The following SYTL2 variants were observed in gnomAD, a reference collection of about 807,000 sequenced individuals.
SYTL2 encodes the protein synaptotagmin like 2, also known as synaptotagmin-like protein 2.
A neutral mutation model predicts 198.7 loss-of-function variants in SYTL2; 165 were observed. The observed-to-expected ratio is 0.83, with a 90% CI of 0.73 to 0.94. The LOEUF is 0.94. Ranked by LOEUF, SYTL2 falls within the 40% of genes least tolerant of loss-of-function variation. The pLI, the probability that SYTL2 is intolerant of heterozygous loss-of-function variation, is 0.00. For synonymous variants in SYTL2, 966 were observed against 917.7 expected (o/e 1.05, Z -0.95); for missense variants, 2,835 against 2,582.8 (o/e 1.10, Z -2.12).
intron 1 of SYTL2, among the ~76,000 whole-genome samples, chr11:85,804,369 G>A (rs1006951331): frequency 1.3e-5 from 2 of 152,154 alleles, no homozygotes; most frequent in African/African-American, 2.4e-5. Context: ...TACAGATAGC[G>A]TACAATTATA....
the SYTL2 span, among the ~76,000 whole-genome samples, chr11:85,843,912 T>G: frequency 6.6e-6 from 1 of 152,222 alleles, no homozygotes; most frequent in Non-Finnish European, 1.5e-5. Context: ...AACCCTGAAC[T>G]GACCCCAAGT....
intron 15 of SYTL2, among the ~76,000 whole-genome samples, chr11:85,706,023 AATG>A (rs1276654626): frequency 6.6e-6 from 1 of 152,228 alleles, no homozygotes; most frequent in Non-Finnish European, 1.5e-5. Context: ...TTTAGTTTTA[AATG>A]ATCTGTTAGT....
At chr11:85,785,776 T>C (rs1305880177) in intron 1 of SYTL2, among the ~76,000 whole-genome samples, 1 of 152,224 alleles carries the variant, frequency 6.6e-6, no homozygotes, top group Non-Finnish European at 1.5e-5. Context: ...AGATTTTCAC[T>C]CATCTATTTC....
chr11:85,805,380 CAAATGCTAGTCTA>C (rs1300924374), intron 1 of SYTL2, among the ~76,000 whole-genome samples: 2 of 151,736 alleles, frequency 1.3e-5, no homozygotes, highest in South Asian at 4.2e-4. Flanking sequence ...TTATAAAACT[CAAATGCTAGTCTA>C]AAACCAACAG....
rs2089278813 is a variant in SYTL2 at position 85,726,998 on chromosome 11, T to C, written c.2360A>G (p.Glu787Gly). 2.0e-6 allele frequency: 3 copies of C among 1,536,472 alleles called. No individual in the cohort carries two copies. Among genetic ancestry groups the C allele is most frequent in the Non-Finnish European group, 2.6e-6 (3 of 1,147,000 alleles). ...TCTGTCACTCACTCTTTTGTATTTC[T>C]CTCTCTGCACTTGGTTCTTGGGAAC... Reference protein sequence around the residue: ...GEVPKNQVQREKYKRVSDRIS... With the variant: ...GEVPKNQVQRGKYKRVSDRIS... Residue 787 changes from glutamate to glycine, a missense_variant, in exon 8 of 20, where the codon GAG (glutamate) becomes GGG (glycine). By Grantham distance (98) the Glu-to-Gly change is moderately conservative. Around this residue, in one of 3 missense-constraint regions of SYTL2, gnomAD observed 2,645 missense variants for 2,381.7 expected, o/e 1.11. Coordinates refer to ENST00000359152, the MANE Select transcript of SYTL2 (RefSeq NM_206927.4).
In SYTL2 at chr11:85,725,023, T is replaced by C. The variant is rs768428913; in HGVS notation, c.4335A>G (p.Glu1445=). 1.2e-5 allele frequency: 20 copies of C among 1,614,192 alleles called. No homozygotes were observed. The highest frequency in any genetic ancestry group is 1.7e-5 in the Non-Finnish European group (20 of 1,180,004). The change falls in exon 8 of 20, where the codon GAA becomes GAG. Residue 1445 remains glutamate (E), a synonymous_variant. Coordinates refer to ENST00000359152, the MANE Select transcript of SYTL2 (RefSeq NM_206927.4). ...SSNVVPDKTH[E]VGSYLAAQMS... is the part of the protein sequence containing the mutation. ...TTTGGGCAGCTAAATAAGATCCAAC[T>C]TCATGAGTTTTATCAGGAACTACAT...
intron 3 of SYTL2, among the ~76,000 whole-genome samples, chr11:85,747,161 A>C (rs1854023566): frequency 6.6e-6 from 1 of 152,206 alleles, no homozygotes; most frequent in African/African-American, 2.4e-5. Context: ...CAAGCCCTCA[A>C]AAGATTGCCT....
At chr11:85,794,471 G>A (rs1592055907) in intron 1 of SYTL2, among the ~76,000 whole-genome samples, 1 of 152,034 alleles carries the variant, frequency 6.6e-6, no homozygotes, top group African/African-American at 2.4e-5. Flanking sequence ...GAGCCACCAC[G>A]CCCAGCCAGT....
Position 85,725,800 on chromosome 11 carries a change from T to A in SYTL2, c.3558A>T (p.Gly1186=). 1 of 1,614,138 alleles carries A rather than the reference T, an allele frequency of 6.2e-7. No individual in the cohort carries two copies. The highest frequency in any genetic ancestry group is 8.5e-7 in the Non-Finnish European group (1 of 1,179,986). Residue 1186 remains glycine (G), a synonymous_variant, in exon 8 of 20, where the codon GGA becomes GGT. Transcript: ENST00000359152. ...DFADTEEEVK[G]PEKIINEHVD... is the part of the protein sequence containing the mutation. The stretch of plus-strand genomic sequence containing the variant: ...CATGCTCATTAATGATCTTCTCAGG[T>A]CCTTTGACTTCTTCCTCAGTATCAG...
rs1020601082 is a variant in SYTL2, at chr11:85,730,607, G to A, written c.1391-2640C>T. On this transcript the variant is annotated intron_variant, in intron 7 of 19. Transcript: ENST00000359152. ...TGGAACGTATCTCAAAATAATAAAA[G>A]CTATTTATAACAAACCCACAGCCAA... 5.9e-5 allele frequency among the ~76,000 whole-genome samples: 9 copies of A among 152,016 alleles called. 1 individual carries two copies. Among genetic ancestry groups the A allele is most frequent in the Non-Finnish European group, 1.0e-4 (7 of 68,004 alleles).
chr11:85,832,995 CAAAA>C, the SYTL2 span, among the ~76,000 whole-genome samples: 81 of 62,272 alleles, frequency 1.3e-3, 4 homozygotes, highest in African/African-American at 2.8e-3. Flanking sequence ...GACCCTGTCT[CAAAA>C]AAAAAAGAAA....
chr11:85,762,152 C>A (rs1307325488), intron 1 of SYTL2, among the ~76,000 whole-genome samples: 1 of 152,180 alleles, frequency 6.6e-6, no homozygotes, highest in Non-Finnish European at 1.5e-5. Flanking sequence ...AAACCCCTGT[C>A]TCTGTGGACC....
chr11:85,719,088 G>A, intron 9 of SYTL2: 3 of 1,494,654 alleles, frequency 2.0e-6, no homozygotes, highest in Non-Finnish European at 2.7e-6. Context: ...ACTCCCAAGG[G>A]TTAGAGGGTT....
At chr11:85,737,508 T>C (rs369933898) in intron 5 of SYTL2, 67 bp downstream of exon 5, 21 of 1,279,718 alleles carry the variant, frequency 1.6e-5, no homozygotes, top group East Asian at 7.0e-5. Flanking sequence ...TTGTGGTGCT[T>C]TGACACAATG....
In SYTL2 at chr11:85,727,712, T is replaced by A; in HGVS notation, c.1646A>T (p.Glu549Val). Residue 549 changes from glutamate to valine, a missense_variant, in exon 8 of 20, where the codon GAA (glutamate) becomes GTA (valine). Coordinates refer to ENST00000359152, the MANE Select transcript of SYTL2 (RefSeq NM_206927.4). ...AACCTGTGATTTTGAGTCTGTTTTT[T>A]CTTTGGACTCTATTCCTCGGGGATG... ...LQHPRGIESKEKTDSKSQVAV... is the reference protein window; with the variant it reads ...LQHPRGIESKVKTDSKSQVAV... 6.5e-7 allele frequency: 1 copy of A among 1,547,492 alleles called. No homozygotes were observed. The highest frequency in any genetic ancestry group is 1.2e-5 in the South Asian group (1 of 84,076).
chr11:85,745,884 G>A (rs1565972781), intron 3 of SYTL2, 112 bp from the exon 4 acceptor site: 2 of 1,075,522 alleles, frequency 1.9e-6, no homozygotes, highest in Non-Finnish European at 2.7e-6. Flanking sequence ...GGCCTTCCCA[G>A]TGCCAAGGCA....
rs755495845 is a variant in SYTL2 at position 85,736,484 on chromosome 11, A to T, written c.586+17T>A. The T allele has an allele frequency of 1.9e-5, 26 of 1,349,252 alleles. 1 individual carries two copies. The highest frequency in any genetic ancestry group is 2.2e-5 in the Non-Finnish European group (21 of 959,502). The allele number at this position is 1,349,252 out of a possible 1,614,324, so 83.6% of individuals were successfully genotyped here. A position where few individuals can be genotyped will look rare whatever the true frequency, so the allele number is the denominator to read the frequency against. ...TAACAAAGATAAAAAAATCAAGTTC[A>T]TAAAAATAATATTTACCCTCTTTTG... is the stretch of plus-strand genomic sequence containing the variant. On this transcript the variant is annotated intron_variant, in intron 6 of 19. Transcript: ENST00000359152.
chr11:85,808,072 A>G (rs1470787147), intron 1 of SYTL2, among the ~76,000 whole-genome samples: 1 of 151,974 alleles, frequency 6.6e-6, no homozygotes, highest in Non-Finnish European at 1.5e-5. Context: ...CATTATTATT[A>G]TTATTATTAT....
At chr11:85,816,486 G>A in the SYTL2 span, among the ~76,000 whole-genome samples, 2 of 152,212 alleles carry the variant, frequency 1.3e-5, no homozygotes, top group Admixed American at 1.3e-4. Flanking sequence ...GGGAGGAGAA[G>A]GTAATAGGGA....
Sources: gnomAD v4.1 joint callset for allele counts (sites outside exome capture counted in the v4.1 genomes callset) on GRCh38, gnomAD v4.1.1 for gene constraint, gnomAD v4.1.1 regional missense constraint, MANE v1.5 for transcripts, NCBI Gene and HGNC (gene_info 2026-07-23, HGNC 2026-07-21) for gene names.